The following TAOK1 variants were observed in gnomAD, a reference collection of about 807,000 sequenced individuals.
TAOK1 encodes serine/threonine-protein kinase TAO1.
Under a neutral mutation model 138.3 loss-of-function variants are expected in TAOK1, and 21 were observed. The observed-to-expected ratio is 0.15, with a 90% CI of 0.11 to 0.22. The LOEUF (loss-of-function observed/expected upper bound fraction) is 0.22, where lower values mean the gene tolerates loss of function less well. Ranked by LOEUF, TAOK1 falls within the 10% of genes least tolerant of loss-of-function variation. The pLI, the probability that TAOK1 is intolerant of heterozygous loss-of-function variation, is 1.00. For missense variants in TAOK1, 651 were observed against 1,227.7 expected, an observed-to-expected ratio of 0.53 and a Z score of 7.02; for synonymous variants, 361 against 398.4, an observed-to-expected ratio of 0.91 and a Z score of 1.12.
chr17:29,427,606 A>G (rs1905684615), intron 1 of TAOK1, among the ~76,000 whole-genome samples: 1 of 150,518 alleles, frequency 6.6e-6, no homozygotes, highest in Non-Finnish European at 1.5e-5. Flanking sequence ...GGGTTTTTGG[A>G]AGCAGAGAAG....
chr17:29,391,472 G>C (rs905726793), intron 1 of TAOK1, among the ~76,000 whole-genome samples: 5 of 152,086 alleles, frequency 3.3e-5, no homozygotes, highest in Admixed American at 1.3e-4. Flanking sequence ...TCTTCTGTAG[G>C]GGCGATGGAA....
At chr17:29,467,763 G>T (rs2030707003) in intron 3 of TAOK1, among the ~76,000 whole-genome samples, 1 of 151,468 alleles carries the variant, frequency 6.6e-6, no homozygotes, top group Admixed American at 6.6e-5. Flanking sequence ...AGCATTATTG[G>T]TATCTCCAAA....
intron 2 of TAOK1, among the ~76,000 whole-genome samples, chr17:29,465,128 A>ATTTTTTTTT (rs57794003): frequency 7.9e-5 from 5 of 63,104 alleles, no homozygotes; most frequent in African/African-American, 2.0e-4. Context: ...GTCTTATTTA[A>ATTTTTTTTT]TTTTTTTTTT....
intron 2 of TAOK1, among the ~76,000 whole-genome samples, chr17:29,456,979 T>G (rs2153024715): frequency 6.7e-6 from 1 of 150,142 alleles, no homozygotes; most frequent in South Asian, 2.1e-4. Context: ...GTGATCCGCC[T>G]TCCTCGGCCT....
At chr17:29,511,047 A>G (rs745442996) in intron 15 of TAOK1, 55 bp downstream of exon 15, 58 of 1,500,606 alleles carry the variant, frequency 3.9e-5, no homozygotes, top group Admixed American at 1.1e-4. Context: ...ATTATATCCA[A>G]TGGTGACCAA....
chr17:29,464,362 T>C (rs2030603502), intron 2 of TAOK1, among the ~76,000 whole-genome samples: 1 of 149,450 alleles, frequency 6.7e-6, no homozygotes, highest in African/African-American at 2.5e-5. Flanking sequence ...GAGAATGGCA[T>C]GAACCTGGGA....
chr17:29,431,126 G>T (rs1308390138), intron 1 of TAOK1, among the ~76,000 whole-genome samples: 2 of 152,036 alleles, frequency 1.3e-5, no homozygotes, highest in Non-Finnish European at 2.9e-5. Flanking sequence ...GTTTGTTGGG[G>T]CCCAGTGCAT....
chr17:29,533,420 C>T (rs1383127786), intron 18 of TAOK1, among the ~76,000 whole-genome samples: 2 of 152,074 alleles, frequency 1.3e-5, no homozygotes, highest in Non-Finnish European at 1.5e-5. Context: ...AGAGACGCTC[C>T]TCACTTCCCA....
At chr17:29,399,933 T>C (rs1904786661) in intron 1 of TAOK1, among the ~76,000 whole-genome samples, 1 of 152,086 alleles carries the variant, frequency 6.6e-6, no homozygotes. Flanking sequence ...GATCTCACTA[T>C]GTTGCCCAGG....
Position 29,551,701 on chromosome 17 carries a change from A to G in TAOK1, c.*8679A>G, listed in dbSNP as rs1686881325. On this transcript the variant is annotated 3_prime_UTR_variant, in exon 20 of 20. Coordinates refer to ENST00000261716, the MANE Select transcript of TAOK1 (RefSeq NM_020791.4). Reference sequence around the variant, plus strand: ...GCTTATTGTACAGTATATTGTCAGTATTCTTCTGGTTCAGCATACCTTATA... The same window carrying G: ...GCTTATTGTACAGTATATTGTCAGTGTTCTTCTGGTTCAGCATACCTTATA... 1 of 152,584 alleles carries G rather than the reference A, an allele frequency of 6.6e-6. No individual in the cohort carries two copies. Among genetic ancestry groups the G allele is most frequent in the Non-Finnish European group, 1.5e-5 (1 of 68,044 alleles). The allele number at this position is 152,584 out of a possible 1,614,324, so 9.5% of individuals were successfully genotyped here.
At chr17:29,540,978 T>C (rs542152398) in intron 19 of TAOK1, among the ~76,000 whole-genome samples, 2 of 152,226 alleles carry the variant, frequency 1.3e-5, no homozygotes, top group Non-Finnish European at 2.9e-5. Flanking sequence ...ATGTTGAGAT[T>C]ACTAGGCATG....
chr17:29,501,251 A>G (rs1411972830), intron 12 of TAOK1, among the ~76,000 whole-genome samples: 2 of 151,068 alleles, frequency 1.3e-5, no homozygotes, highest in Non-Finnish European at 3.0e-5. Context: ...AAGAAAAGAA[A>G]AGAAAAACAG....
rs369574423 is a variant in TAOK1 at position 29,397,599 on chromosome 17, T to TCCCC, written c.-95+6580_-95+6583dup. Among the ~76,000 whole-genome samples, 180 of 57,558 alleles carry TCCCC rather than the reference T, an allele frequency of 3.1e-3. 1 individual carries two copies. Among genetic ancestry groups the TCCCC allele is most frequent in the East Asian group, 7.0e-3 (3 of 426 alleles). 37.8% of individuals were successfully genotyped at this position (57,558 alleles called of 152,430 possible). ...GCCTGGGCAACAGAGTGAGATTCCG[T>TCCCC]CCCCCCCCAAAAAAATATATATATA... On this transcript the variant is annotated intron_variant, in intron 1 of 19. Transcript: ENST00000261716.
At chr17:29,515,382 T>C (rs761861247) in intron 15 of TAOK1, among the ~76,000 whole-genome samples, 5 of 152,192 alleles carry the variant, frequency 3.3e-5, no homozygotes, top group Non-Finnish European at 7.4e-5. Flanking sequence ...TGTCTCTTCT[T>C]GGGAAGGTTT....
chr17:29,527,433 C>T (rs2032030061), intron 17 of TAOK1, among the ~76,000 whole-genome samples: 1 of 152,248 alleles, frequency 6.6e-6, no homozygotes, highest in Non-Finnish European at 1.5e-5. Context: ...GCACTGTACT[C>T]CAGAGCCTGG....
At chr17:29,535,273 T>C (rs936111559) in intron 19 of TAOK1, among the ~76,000 whole-genome samples, 1 of 149,410 alleles carries the variant, frequency 6.7e-6, no homozygotes, top group Non-Finnish European at 1.5e-5. Context: ...GCTGCACCAC[T>C]GCACTCTAGC....
At chr17:29,417,722 G>A (rs879686971) in intron 1 of TAOK1, among the ~76,000 whole-genome samples, 19 of 152,126 alleles carry the variant, frequency 1.2e-4, no homozygotes, top group Non-Finnish European at 4.4e-5. Flanking sequence ...TGTTTCAGGG[G>A]TTTCTTCTTG....
chr17:29,445,812 A>ATGATGGCTTCACAT (rs2030061745), intron 1 of TAOK1, among the ~76,000 whole-genome samples: 1 of 152,200 alleles, frequency 6.6e-6, no homozygotes, highest in Non-Finnish European at 1.5e-5. Context: ...CATCAATGTC[A>ATGATGGCTTCACAT]TGATGGCTTC....
chr17:29,528,442 A>T (rs2032047676), intron 17 of TAOK1, among the ~76,000 whole-genome samples: 1 of 152,184 alleles, frequency 6.6e-6, no homozygotes, highest in Non-Finnish European at 1.5e-5. Flanking sequence ...TCTCTTAAGG[A>T]AAAGACCATT....
Sources: gnomAD v4.1 joint callset for allele counts (sites outside exome capture counted in the v4.1 genomes callset) on GRCh38, gnomAD v4.1.1 for gene constraint, MANE v1.5 for transcripts, NCBI Gene and HGNC (gene_info 2026-07-23, HGNC 2026-07-21) for gene names.